DMD: variants seen among roughly 807,000 people sequenced by gnomAD.
The protein encoded by DMD is mutant dystrophin.
DMD carries 63 observed loss-of-function variants against 330.1 expected under a neutral mutation model. That is an observed-to-expected ratio of 0.19 (90% CI 0.16 to 0.24). DMD has a LOEUF of 0.24. Among genes scored for constraint, DMD ranks in the 10% least tolerant of loss-of-function variants. The pLI is 1.00. For synonymous variants in DMD, 1,223 were observed against 959.8 expected (o/e 1.27, Z -5.07); for missense variants, 3,344 against 2,684.1 (o/e 1.25, Z -5.43).
At chrX:33,306,605 G>C (rs974922429) in intron 1 of DMD, among the ~76,000 whole-genome samples, 1 of 110,840 alleles carries the variant, frequency 9.0e-6, no homozygotes, top group African/African-American at 3.3e-5. Context: ...AAAGGCAAAT[G>C]GCACAGAGGC....
At chrX:32,410,187 G>A (rs1180904219) in intron 30 of DMD, among the ~76,000 whole-genome samples, 2 of 110,800 alleles carry the variant, frequency 1.8e-5, no homozygotes, top group Admixed American at 9.7e-5. Flanking sequence ...GAATCCTCAA[G>A]TATGTTTACT....
chrX:33,157,542 A>G (rs1006151631), intron 1 of DMD, among the ~76,000 whole-genome samples: 7 of 112,379 alleles, frequency 6.2e-5, no homozygotes, highest in African/African-American at 2.3e-4. Flanking sequence ...TGATAACACA[A>G]TCCTCAATGA....
At chrX:32,856,592 T>G (rs1031886745) in intron 2 of DMD, among the ~76,000 whole-genome samples, 2 of 112,152 alleles carry the variant, frequency 1.8e-5, no homozygotes, top group Non-Finnish European at 3.8e-5. Flanking sequence ...CTCACTCATA[T>G]GCAGTAACTA....
chrX:32,881,507 T>C (rs1250983794), intron 2 of DMD, among the ~76,000 whole-genome samples: 3 of 112,119 alleles, frequency 2.7e-5, no homozygotes, highest in Non-Finnish European at 1.9e-5. Context: ...AAGTTAAATA[T>C]GATACAATGG....
intron 16 of DMD, among the ~76,000 whole-genome samples, chrX:32,564,045 G>A (rs1160542121): frequency 9.0e-6 from 1 of 111,338 alleles, no homozygotes; most frequent in Non-Finnish European, 1.9e-5. Flanking sequence ...CCCAGTGTAT[G>A]TTGATCCCCT....
At chrX:32,179,370 T>G (rs891843971) in intron 44 of DMD, among the ~76,000 whole-genome samples, 13 of 111,761 alleles carry the variant, frequency 1.2e-4, no homozygotes, top group Non-Finnish European at 1.7e-4. Flanking sequence ...AACTGTCACA[T>G]GAATCAAAGG....
At chrX:32,655,670 C>G (rs745432915) in intron 9 of DMD, among the ~76,000 whole-genome samples, 2 of 111,742 alleles carry the variant, frequency 1.8e-5, no homozygotes, top group Non-Finnish European at 3.8e-5. Flanking sequence ...TGTTGCAGAG[C>G]TGAGTTCAAT....
At chrX:32,527,560 T>C (rs1164474743) in intron 17 of DMD, among the ~76,000 whole-genome samples, 1 of 109,511 alleles carries the variant, frequency 9.1e-6, no homozygotes, top group East Asian at 2.9e-4. Flanking sequence ...AACTTGTCCC[T>C]CTCTGCTTGT....
At position 32,398,828 on chromosome X, in the gene DMD, C is replaced by A. The variant is rs745984787; in HGVS notation, c.4234-8647G>T. 2.7e-5 allele frequency among the ~76,000 whole-genome samples: 3 copies of A among 111,620 alleles called. No homozygotes were observed. In the South Asian group the frequency reaches 1.1e-3, roughly 41 times the overall value. On this transcript the variant is annotated intron_variant, in intron 30 of 78. Transcript: ENST00000357033. The stretch of plus-strand genomic sequence containing the variant: ...AATGAAACTGGAGGAATCACTTTAC[C>A]TAACTTTAAATTATACTACACAGCT...
In DMD at chrX:32,107,338, ATGTGTG is replaced by A. The variant is rs34502564; in HGVS notation, c.6438+109572_6438+109577del. ...TGTATACACACACATATATAATTAT[ATGTGTG>A]TGTGTGTGTGTGTGTGTGTGTGTGT... On this transcript the variant is annotated intron_variant, in intron 44 of 78. Coordinates refer to ENST00000357033, the MANE Select transcript of DMD (RefSeq NM_004006.3). Among the ~76,000 whole-genome samples the A allele has an allele frequency of 7.8e-3, 699 of 89,103 alleles. 3 individuals are homozygous for A. Among genetic ancestry groups the A allele is most frequent in the African/African-American group, 0.022 (504 of 22,913 alleles). 77.4% of individuals were successfully genotyped at this position (89,103 alleles called of 115,157 possible). A position where few individuals can be genotyped will look rare whatever the true frequency, so the allele number is the denominator to read the frequency against.
chrX:32,059,590 A>T (rs972718125), intron 44 of DMD, among the ~76,000 whole-genome samples: 1 of 111,903 alleles, frequency 8.9e-6, no homozygotes, highest in East Asian at 2.8e-4. Context: ...TTTTGGACTA[A>T]GGTAGATTAT....
chrX:32,930,017 T>G (rs1393380647), intron 2 of DMD, among the ~76,000 whole-genome samples: 3 of 111,758 alleles, frequency 2.7e-5, no homozygotes, highest in African/African-American at 9.8e-5. Flanking sequence ...CATCATAGTT[T>G]GGAAATTTTG....
chrX:32,379,145 C>T (rs1160166846), intron 34 of DMD, among the ~76,000 whole-genome samples: 2 of 108,371 alleles, frequency 1.8e-5, no homozygotes. Context: ...TTGAAAAGAT[C>T]TAGATAGAGT....
intron 29 of DMD, among the ~76,000 whole-genome samples, chrX:32,427,621 T>TA (rs34233929): frequency 0.16 from 15,839 of 99,922 alleles, 1,102 homozygotes; most frequent in African/African-American, 0.23. Flanking sequence ...CTGATTTTGG[T>TA]AAAAAAAAAA....
chrX:32,130,447 T>A (rs1451139324), intron 44 of DMD, among the ~76,000 whole-genome samples: 2 of 111,557 alleles, frequency 1.8e-5, no homozygotes, highest in African/African-American at 6.5e-5. Context: ...GCACACTCCA[T>A]CCAAGAACAA....
At chrX:31,421,928 TATATACAC>T (rs1454473679) in intron 60 of DMD, among the ~76,000 whole-genome samples, 6 of 80,110 alleles carry the variant, frequency 7.5e-5, no homozygotes, top group African/African-American at 4.4e-4. Flanking sequence ...TATATATATA[TATATACAC>T]ACACACATAT....
At chrX:32,118,798 C>T (rs1464736381) in intron 44 of DMD, among the ~76,000 whole-genome samples, 1 of 110,086 alleles carries the variant, frequency 9.1e-6, no homozygotes, top group Non-Finnish European at 1.9e-5. Context: ...GGGAGAGGTG[C>T]GTGGGAGGCG....
chrX:32,573,703 C>T (rs769004064), intron 14 of DMD, 42 bp downstream of exon 14: 2 of 1,187,006 alleles, frequency 1.7e-6, no homozygotes, highest in Non-Finnish European at 2.3e-6. Flanking sequence ...AATTTAATAT[C>T]CCCCCGTGTC....
chrX:32,867,391 A>C (rs1054783292), intron 2 of DMD, among the ~76,000 whole-genome samples: 3 of 112,274 alleles, frequency 2.7e-5, no homozygotes, highest in Non-Finnish European at 5.6e-5. Context: ...TTTTAAAATA[A>C]AGTTGAATAA....
Sources: gnomAD v4.1 joint callset for allele counts (sites outside exome capture counted in the v4.1 genomes callset) on GRCh38, gnomAD v4.1.1 for gene constraint, MANE v1.5 for transcripts, NCBI Gene and HGNC (gene_info 2026-07-23, HGNC 2026-07-21) for gene names.